Variants in OR51B5 observed in about 807,000 individuals in gnomAD.
OR51B5 encodes the protein olfactory receptor 51B5.
For synonymous variants in OR51B5, 186 were observed against 144.8 expected, an observed-to-expected ratio of 1.28 and a Z score of -2.04; for missense variants, 456 against 374.6, an observed-to-expected ratio of 1.22 and a Z score of -1.79.
intron 1 of OR51B5, among the ~76,000 whole-genome samples, chr11:5,466,992 C>G (rs1851147313): frequency 6.6e-6 from 1 of 151,182 alleles, no homozygotes; most frequent in African/African-American, 2.5e-5. Flanking sequence ...TCTTTATTTG[C>G]TTAATGTACT....
At chr11:5,367,238 A>G (rs1017062812) in intron 1 of OR51B5, among the ~76,000 whole-genome samples, 4 of 152,236 alleles carry the variant, frequency 2.6e-5, no homozygotes, top group African/African-American at 4.8e-5. Context: ...GAAAGGAGTC[A>G]CAATCCAGAC....
intron 1 of OR51B5, among the ~76,000 whole-genome samples, chr11:5,357,602 G>C (rs559039452): frequency 6.6e-6 from 1 of 151,760 alleles, no homozygotes; most frequent in African/African-American, 2.4e-5. Flanking sequence ...AGTTAACAAG[G>C]ATATCCAGGA....
intron 1 of OR51B5, among the ~76,000 whole-genome samples, chr11:5,418,245 G>T (rs61894102): frequency 6.6e-6 from 1 of 151,876 alleles, no homozygotes; most frequent in Non-Finnish European, 1.5e-5. Context: ...TCACACTCTG[G>T]GGACTGTTGT....
At chr11:5,467,728 G>A (rs1207454894) in intron 1 of OR51B5, among the ~76,000 whole-genome samples, 1 of 152,186 alleles carries the variant, frequency 6.6e-6, no homozygotes, top group Non-Finnish European at 1.5e-5. Flanking sequence ...TGTCTGGGTT[G>A]CTCACTGCAG....
chr11:5,390,337 T>G, intron 1 of OR51B5: 2 of 1,612,160 alleles, frequency 1.2e-6, no homozygotes, highest in East Asian at 4.5e-5. Context: ...AGATCCACCG[T>G]GCCATTATCA....
At chr11:5,363,598 T>A (rs1849321170) in intron 1 of OR51B5, among the ~76,000 whole-genome samples, 1 of 152,076 alleles carries the variant, frequency 6.6e-6, no homozygotes, top group African/African-American at 2.4e-5. Context: ...AAAGAAGATA[T>A]ATTGAGGTAG....
chr11:5,443,129 C>T (rs1288303724), intron 1 of OR51B5, among the ~76,000 whole-genome samples: 1 of 152,150 alleles, frequency 6.6e-6, no homozygotes. Flanking sequence ...AGCTCTTCTA[C>T]TATATTTTCA....
chr11:5,490,201 A>C (rs4638331), intron 1 of OR51B5, among the ~76,000 whole-genome samples: 36,620 of 152,142 alleles, frequency 0.24, 5,349 homozygotes, highest in Non-Finnish European at 0.33. Context: ...ATAACATCTA[A>C]CTTTGAATGT....
At chr11:5,377,497 A>C (rs1849545950) in intron 1 of OR51B5, among the ~76,000 whole-genome samples, 2 of 152,174 alleles carry the variant, frequency 1.3e-5, no homozygotes. Flanking sequence ...AGGGTATTCA[A>C]TTAAGAAAAG....
At chr11:5,365,541 T>G (rs981681882) in intron 1 of OR51B5, among the ~76,000 whole-genome samples, 1 of 152,152 alleles carries the variant, frequency 6.6e-6, no homozygotes, top group Non-Finnish European at 1.5e-5. Flanking sequence ...TACCTCGAAG[T>G]TTTTTCACAA....
intron 1 of OR51B5, among the ~76,000 whole-genome samples, chr11:5,460,770 T>C (rs977007831): frequency 2.0e-4 from 30 of 152,372 alleles, no homozygotes; most frequent in African/African-American, 6.7e-4. Context: ...TATTCTTTGA[T>C]GCCTTTGATG....
chr11:5,373,833 A>G (rs564178940), intron 1 of OR51B5, among the ~76,000 whole-genome samples: 6 of 151,778 alleles, frequency 4.0e-5, no homozygotes, highest in African/African-American at 1.4e-4. Flanking sequence ...CAGGAAGCTC[A>G]AACTGGGTGG....
intron 1 of OR51B5, among the ~76,000 whole-genome samples, chr11:5,404,978 G>T (rs1392600752): frequency 6.6e-6 from 1 of 152,144 alleles, no homozygotes; most frequent in African/African-American, 2.4e-5. Context: ...ATCACCTTGA[G>T]GGTCCTCGGC....
intron 1 of OR51B5, among the ~76,000 whole-genome samples, chr11:5,438,223 A>G (rs959666804): frequency 2.2e-4 from 34 of 152,238 alleles, no homozygotes; most frequent in African/African-American, 7.7e-4. Flanking sequence ...GACTCTAGCT[A>G]TGTTATTAGA....
chr11:5,430,206 T>C (rs988363454), intron 1 of OR51B5, among the ~76,000 whole-genome samples: 6 of 151,734 alleles, frequency 4.0e-5, no homozygotes, highest in African/African-American at 1.5e-4. Flanking sequence ...CTCAAAGACA[T>C]GTTCCTAGGA....
chr11:5,463,448 T>G (rs888232619), intron 1 of OR51B5, among the ~76,000 whole-genome samples: 1 of 152,232 alleles, frequency 6.6e-6, no homozygotes, highest in Non-Finnish European at 1.5e-5. Context: ...CACCTTGATA[T>G]ATCATTTACT....
At chr11:5,382,146 G>T (rs555806451) in intron 1 of OR51B5, among the ~76,000 whole-genome samples, 1 of 152,130 alleles carries the variant, frequency 6.6e-6, no homozygotes, top group Admixed American at 6.5e-5. Context: ...TCAGGGTCTT[G>T]CCCCTGCCTA....
intron 1 of OR51B5, among the ~76,000 whole-genome samples, chr11:5,382,659 C>G (rs891017001): frequency 1.3e-5 from 2 of 152,124 alleles, no homozygotes; most frequent in African/African-American, 4.8e-5. Flanking sequence ...ATGCTCAGCT[C>G]CTTCCTATTG....
intron 1 of OR51B5, among the ~76,000 whole-genome samples, chr11:5,446,842 T>A (rs1382027952): frequency 6.6e-6 from 1 of 152,196 alleles, no homozygotes; most frequent in Non-Finnish European, 1.5e-5. Context: ...CTGAACAGTG[T>A]TGTGAAGAAA....
Sources: allele counts gnomAD v4.1 joint callset (sites outside exome capture counted in the v4.1 genomes callset), GRCh38; gene constraint gnomAD v4.1.1; transcripts MANE v1.5; gene names NCBI Gene and HGNC (gene_info 2026-07-23, HGNC 2026-07-21).